The following BMP6 variants were observed in gnomAD, a reference collection of about 807,000 sequenced individuals.
BMP6 encodes the protein VG-1-R.
A neutral mutation model predicts 54.1 loss-of-function variants in BMP6; 17 were observed. That is an observed-to-expected ratio of 0.31 (90% confidence interval 0.22 to 0.47). The LOEUF is 0.47. Among genes scored for constraint, BMP6 ranks in the 20% least tolerant of loss-of-function variants. The pLI, the probability that BMP6 is intolerant of heterozygous loss-of-function variation, is 1.00. For synonymous variants in BMP6, 328 were observed against 291.2 expected (o/e 1.13, Z -1.28); for missense variants, 720 against 690.4 (o/e 1.04, Z -0.48).
intron 1 of BMP6, among the ~76,000 whole-genome samples, chr6:7,800,778 G>T (rs1386863501): frequency 6.6e-6 from 1 of 152,040 alleles, no homozygotes; most frequent in African/African-American, 2.4e-5. Context: ...CCAATAAATT[G>T]ATTCATTAAA....
chr6:7,858,502 C>T (rs1759283145), intron 2 of BMP6, among the ~76,000 whole-genome samples: 1 of 151,960 alleles, frequency 6.6e-6, no homozygotes, highest in African/African-American at 2.4e-5. Context: ...TATTCTGAGC[C>T]CTTGGACAGT....
intron 1 of BMP6, among the ~76,000 whole-genome samples, chr6:7,844,138 A>G (rs533579067): frequency 2.0e-5 from 3 of 152,228 alleles, no homozygotes; most frequent in African/African-American, 7.2e-5. Flanking sequence ...GAGGTCGTGC[A>G]GTGATTGTCT....
intron 1 of BMP6, among the ~76,000 whole-genome samples, chr6:7,761,055 T>G (rs1757605159): frequency 6.6e-6 from 1 of 152,280 alleles, no homozygotes; most frequent in Non-Finnish European, 1.5e-5. Flanking sequence ...GCCTTTGCCT[T>G]ATATTCGGCA....
chr6:7,766,416 C>A (rs889681070), intron 1 of BMP6, among the ~76,000 whole-genome samples: 1 of 152,120 alleles, frequency 6.6e-6, no homozygotes, highest in Non-Finnish European at 1.5e-5. Context: ...AGTTTGAAAA[C>A]CAGCCTGGGC....
chr6:7,764,520 G>A (rs191601766), intron 1 of BMP6, among the ~76,000 whole-genome samples: 18 of 152,226 alleles, frequency 1.2e-4, no homozygotes, highest in Middle Eastern at 3.4e-3. Flanking sequence ...TGTAGAGAAC[G>A]TGCTACTGCG....
chr6:7,759,792 C>A (rs1166702189), intron 1 of BMP6, among the ~76,000 whole-genome samples: 1 of 140,448 alleles, frequency 7.1e-6, no homozygotes, highest in Non-Finnish European at 1.5e-5. Context: ...CGGCCTCTGC[C>A]TCCCAGGTTC....
intron 1 of BMP6, among the ~76,000 whole-genome samples, chr6:7,765,357 A>C (rs138198900): frequency 1.3e-5 from 2 of 152,368 alleles, no homozygotes; most frequent in Non-Finnish European, 2.9e-5. Flanking sequence ...TAATGTAATA[A>C]TCTAATAATT....
At chr6:7,847,174 G>T (rs1340403653) in intron 2 of BMP6, among the ~76,000 whole-genome samples, 1 of 152,136 alleles carries the variant, frequency 6.6e-6, no homozygotes, top group East Asian at 1.9e-4. Context: ...ATCCTGAATG[G>T]TCCCAACCTT....
chr6:7,729,229 C>T (rs907090612), intron 1 of BMP6, among the ~76,000 whole-genome samples: 2 of 152,142 alleles, frequency 1.3e-5, no homozygotes, highest in Non-Finnish European at 2.9e-5. Context: ...TGGCAGAGGA[C>T]CAGCGCTGTT....
In BMP6 at chr6:7,879,160, C is replaced by G; in HGVS notation, c.1281+10C>G. On this transcript the variant is annotated intron_variant, in intron 5 of 6. Coordinates refer to ENST00000283147, the MANE Select transcript of BMP6 (RefSeq NM_001718.6). ...AGACCTGGGATGGCAGGTGAGTTCT[C>G]TGGACACGGGGGATAAAGGTCCTTT... 6 of 1,611,340 alleles carry G rather than the reference C, an allele frequency of 3.7e-6. No individual in the cohort carries two copies. The highest frequency in any genetic ancestry group is 4.2e-6 in the Non-Finnish European group (5 of 1,177,394).
intron 1 of BMP6, among the ~76,000 whole-genome samples, chr6:7,817,623 A>G (rs1387677762): frequency 2.0e-5 from 3 of 151,940 alleles, no homozygotes; most frequent in Admixed American, 6.6e-5. Flanking sequence ...TACCTAATGT[A>G]AATGATGAGT....
intron 1 of BMP6, among the ~76,000 whole-genome samples, chr6:7,830,460 G>T (rs1218938658): frequency 6.6e-6 from 1 of 152,128 alleles, no homozygotes; most frequent in Non-Finnish European, 1.5e-5. Flanking sequence ...AGGGTGTTTA[G>T]CTAATCCCCT....
Position 7,758,932 on chromosome 6 carries a change from C to T in BMP6, c.664+31313C>T, listed in dbSNP as rs368314293. 3.3e-5 allele frequency among the ~76,000 whole-genome samples: 5 copies of T among 152,314 alleles called. No homozygotes were observed. The East Asian group carries it at 5.8e-4, about 18-fold the overall frequency. The stretch of plus-strand genomic sequence containing the variant: ...GTAGAATAGAGGTCCTCGTGTAAGA[C>T]TAACATGAGTGGTCTATTTACTCAT... On this transcript the variant is annotated intron_variant, in intron 1 of 6. Coordinates refer to ENST00000283147, the MANE Select transcript of BMP6 (RefSeq NM_001718.6).
chr6:7,858,090 A>G (rs967127976), intron 2 of BMP6, among the ~76,000 whole-genome samples: 1 of 151,848 alleles, frequency 6.6e-6, no homozygotes, highest in East Asian at 1.9e-4. Context: ...TGATCGATTT[A>G]TTTATTTATT....
chr6:7,771,576 G>A (rs1581240768), intron 1 of BMP6, among the ~76,000 whole-genome samples: 1 of 152,198 alleles, frequency 6.6e-6, no homozygotes, highest in African/African-American at 2.4e-5. Context: ...TGGTGGAGCG[G>A]ACATTAAGCC....
chr6:7,737,451 G>A (rs768509374), intron 1 of BMP6, among the ~76,000 whole-genome samples: 1 of 152,104 alleles, frequency 6.6e-6, no homozygotes, highest in Admixed American at 6.5e-5. Flanking sequence ...CATGGAGCAG[G>A]CCTTTGCATT....
At chr6:7,878,548 G>A (rs1347379239) in intron 4 of BMP6, among the ~76,000 whole-genome samples, 3 of 152,312 alleles carry the variant, frequency 2.0e-5, no homozygotes, top group South Asian at 2.1e-4. Flanking sequence ...TTGCCCCTGC[G>A]TGGTGTCTCC....
rs903981293 is a variant in BMP6, at chr6:7,753,771, A to AT, written c.664+26160dup. On this transcript the variant is annotated intron_variant, in intron 1 of 6. Transcript: ENST00000283147. ...GGATATAGGTTTTCGTCTAACATCA[A>AT]TTTTTTTTGATATGTTGTGCTTTCT... Among the ~76,000 whole-genome samples, 229 of 152,106 alleles carry AT rather than the reference A, an allele frequency of 1.5e-3. 3 individuals carry two copies. Among genetic ancestry groups the AT allele is most frequent in the African/African-American group, 4.9e-3 (202 of 41,496 alleles).
In BMP6 at chr6:7,726,960, C is replaced by T. The variant is rs1272299268; in HGVS notation, c.5C>T (p.Pro2Leu). The change falls in exon 1 of 7, where the codon CCG becomes CTG. Residue 2 changes from proline (P) to leucine (L), a missense_variant. Physicochemically the swap from Pro to Leu is moderately conservative, Grantham distance 98. Coordinates refer to ENST00000283147, the MANE Select transcript of BMP6 (RefSeq NM_001718.6). ...GGGCAGCCCGGCCGGGCGGGGATGC[C>T]GGGGCTGGGGCGGAGGGCGCAGTGG... M[P>L]GLGRRAQWLC... 8 of 1,133,332 alleles carry T rather than the reference C, an allele frequency of 7.1e-6. No homozygotes were observed. The highest frequency in any genetic ancestry group is 1.6e-5 in the African/African-American group (1 of 60,698). 70.2% of individuals were successfully genotyped at this position (1,133,332 alleles called of 1,614,324 possible). A position where few individuals can be genotyped will look rare whatever the true frequency, so the allele number is the denominator to read the frequency against.
Sources: gnomAD v4.1 joint callset for allele counts (sites outside exome capture counted in the v4.1 genomes callset) on GRCh38, gnomAD v4.1.1 for gene constraint, MANE v1.5 for transcripts, NCBI Gene and HGNC (gene_info 2026-07-23, HGNC 2026-07-21) for gene names.